The following SMURF1 variants were observed in gnomAD, a reference collection of about 807,000 sequenced individuals.
The protein encoded by SMURF1 is SMAD specific E3 ubiquitin protein ligase 1, also known as E3 ubiquitin-protein ligase SMURF1.
SMURF1 carries 44 observed loss-of-function variants against 98.0 expected under a neutral mutation model. The ratio of observed to expected loss-of-function variants is 0.45; its 90% CI spans 0.35 to 0.58. The LOEUF (loss-of-function observed/expected upper bound fraction) is 0.58, where lower values mean the gene tolerates loss of function less well. SMURF1 is among the 20% of genes least tolerant of loss of function. The probability of loss-of-function intolerance (pLI) is 0.00; values close to 1 mark genes in which losing one functional copy is unlikely to be tolerated. For synonymous variants in SMURF1, 396 were observed against 374.9 expected, an observed-to-expected ratio of 1.06 and a Z score of -0.65; for missense variants, 687 against 938.4, an observed-to-expected ratio of 0.73 and a Z score of 3.50.
intron 14 of SMURF1, among the ~76,000 whole-genome samples, chr7:99,037,747 C>T (rs1281812248): frequency 6.6e-6 from 1 of 152,232 alleles, no homozygotes; most frequent in Non-Finnish European, 1.5e-5. Context: ...ACATCAATTG[C>T]TGCAATGTGA....
At chr7:99,107,927 C>A (rs1437144028) in intron 1 of SMURF1, among the ~76,000 whole-genome samples, 5 of 152,144 alleles carry the variant, frequency 3.3e-5, no homozygotes, top group Non-Finnish European at 7.3e-5. Context: ...GACAAGTATC[C>A]CAAACGTGTG....
chr7:99,090,723 A>C (rs554885313), intron 1 of SMURF1, among the ~76,000 whole-genome samples: 1 of 152,290 alleles, frequency 6.6e-6, no homozygotes, highest in East Asian at 1.9e-4. Flanking sequence ...ACTGCCAATA[A>C]AAAATATTCA....
Position 99,032,965 on chromosome 7 carries a change from A to C in SMURF1, c.2096+72T>G, listed in dbSNP as rs1007906153. The C allele has an allele frequency of 1.9e-5, 24 of 1,264,398 alleles. No homozygotes were observed. In the African/African-American group the frequency reaches 3.0e-4, roughly 16 times the overall value. The allele number at this position is 1,264,398 out of a possible 1,614,324, so 78.3% of individuals were successfully genotyped here. A position where few individuals can be genotyped will look rare whatever the true frequency, so the allele number is the denominator to read the frequency against. ...AGACTCCATCTCAAAAAAAAACAACAAAAAAAAAACGTGAACGTCAGCATC... is the reference window on the plus strand; with the variant it reads ...AGACTCCATCTCAAAAAAAAACAACCAAAAAAAAACGTGAACGTCAGCATC... On this transcript the variant is annotated intron_variant, in intron 17 of 17. Coordinates refer to ENST00000361368, the MANE Select transcript of SMURF1 (RefSeq NM_181349.3).
chr7:99,064,666 T>G (rs1181814635), intron 1 of SMURF1, among the ~76,000 whole-genome samples: 1 of 152,228 alleles, frequency 6.6e-6, no homozygotes, highest in Non-Finnish European at 1.5e-5. Context: ...TAATATTCCT[T>G]GATAATCAGT....
intron 1 of SMURF1, among the ~76,000 whole-genome samples, chr7:99,103,366 A>G (rs1029023351): frequency 6.6e-6 from 1 of 152,208 alleles, no homozygotes; most frequent in Non-Finnish European, 1.5e-5. Context: ...AAGTTATAAA[A>G]GACACCGGGG....
In SMURF1 at chr7:99,037,086, A is replaced by G; in HGVS notation, c.1790T>C (p.Phe597Ser). 1 of 1,614,012 alleles carries G rather than the reference A, an allele frequency of 6.2e-7. No homozygotes were observed. The highest frequency in any genetic ancestry group is 8.5e-7 in the Non-Finnish European group (1 of 1,180,024). ...ACATACCTCCAGTTCCTTCTGGTCA[A>G]AAGGCTTCAGCAGATGTTGAGGGAT... The part of the protein sequence containing the change: ...ELIPQHLLKP[F>S]DQKELELIIG... Residue 597 changes from phenylalanine to serine, a missense_variant, in exon 15 of 18, where the codon TTT becomes TCT. This residue lies in a region of SMURF1 where 272 missense variants were observed against 430.0 expected (regional missense o/e 0.63). Transcript: ENST00000361368.
Position 99,047,753 on chromosome 7 carries a change from G to T in SMURF1, c.1083C>A (p.His361Gln). 1 of 1,614,232 alleles carries T rather than the reference G, an allele frequency of 6.2e-7. No individual in the cohort carries two copies. The highest frequency in any genetic ancestry group is 8.5e-7 in the Non-Finnish European group (1 of 1,180,052). The change falls in exon 10 of 18, where the codon CAC becomes CAA. Residue 361 changes from histidine (H) to glutamine (Q), a missense_variant. By Grantham distance (24) the His-to-Gln change is conservative (BLOSUM62 0). Coordinates refer to ENST00000361368, the MANE Select transcript of SMURF1 (RefSeq NM_181349.3). Reference protein sequence around the residue: ...DLVQKLKVLRHELSLQQPQAG... With the variant: ...DLVQKLKVLRQELSLQQPQAG... ...CTTGGGGCTGCTGAAGCGACAGTTC[G>T]TGTCTGAGGACTTTCAGCTTCTGGA...
In SMURF1 at chr7:99,144,065, C is replaced by G. The variant is rs995497134; in HGVS notation, c.-285G>C. The stretch of plus-strand genomic sequence containing the variant: ...TCCGCCGCCTCCACCACCTCAGAGC[C>G]GGACGCCCGCCGCCCTCGCCGCTTC... On this transcript the variant is annotated 5_prime_UTR_variant, in exon 1 of 18. Transcript: ENST00000361368. The G allele has an allele frequency of 7.7e-4, 139 of 181,376 alleles. 1 individual carries two copies. Among genetic ancestry groups the G allele is most frequent in the Non-Finnish European group, 2.0e-4 (18 of 88,268 alleles). The allele number at this position is 181,376 out of a possible 1,614,324, so 11.2% of individuals were successfully genotyped here.
chr7:99,049,356 G>C (rs1020236298), intron 9 of SMURF1: 2 of 557,616 alleles, frequency 3.6e-6, no homozygotes, highest in Non-Finnish European at 6.2e-6. Flanking sequence ...AGTAAGAAAA[G>C]GGTAGCAACA....
chr7:99,053,056 T>TTAAAA (rs1382525586), intron 6 of SMURF1, among the ~76,000 whole-genome samples: 21 of 152,190 alleles, frequency 1.4e-4, no homozygotes, highest in African/African-American at 5.1e-4. Context: ...GACTCCATCT[T>TTAAAA]TAAAATAAAA....
intron 1 of SMURF1, among the ~76,000 whole-genome samples, chr7:99,118,646 G>A (rs1378326800): frequency 6.6e-6 from 1 of 152,174 alleles, no homozygotes; most frequent in African/African-American, 2.4e-5. Context: ...TGGGGGAACA[G>A]AAAGTGACTG....
chr7:99,092,370 G>A (rs1249761555), intron 1 of SMURF1, among the ~76,000 whole-genome samples: 1 of 152,036 alleles, frequency 6.6e-6, no homozygotes, highest in East Asian at 1.9e-4. Flanking sequence ...TTCTGTATTT[G>A]TGAATTCACC....
chr7:99,032,617 C>T (rs112212365), intron 17 of SMURF1, among the ~76,000 whole-genome samples: 2 of 152,224 alleles, frequency 1.3e-5, no homozygotes, highest in African/African-American at 4.8e-5. Flanking sequence ...TGCAGTGAGC[C>T]GAGATCGTGC....
At chr7:99,082,617 C>T (rs1796597181) in intron 1 of SMURF1, among the ~76,000 whole-genome samples, 1 of 152,198 alleles carries the variant, frequency 6.6e-6, no homozygotes, top group South Asian at 2.1e-4. Flanking sequence ...ATTACTTTAG[C>T]TTTGTAGTAA....
chr7:99,085,086 C>T (rs1049905706), intron 1 of SMURF1, among the ~76,000 whole-genome samples: 8 of 152,088 alleles, frequency 5.3e-5, no homozygotes, highest in African/African-American at 1.9e-4. Flanking sequence ...CACGGTGGCT[C>T]ACACCTATAA....
At chr7:99,140,966 C>A (rs1394175908) in intron 1 of SMURF1, among the ~76,000 whole-genome samples, 2 of 152,176 alleles carry the variant, frequency 1.3e-5, no homozygotes, top group African/African-American at 4.8e-5. Flanking sequence ...CTAGTTCAAA[C>A]CTTTCGAGGT....
At chr7:99,137,390 T>C (rs13438461) in intron 1 of SMURF1, among the ~76,000 whole-genome samples, 7,715 of 152,292 alleles carry the variant, frequency 0.051, 656 homozygotes, top group African/African-American at 0.18. Flanking sequence ...TTCTTCATTG[T>C]GGTACTTGTG....
intron 1 of SMURF1, among the ~76,000 whole-genome samples, chr7:99,071,155 G>A (rs1796308877): frequency 6.6e-6 from 1 of 151,866 alleles, no homozygotes; most frequent in East Asian, 1.9e-4. Context: ...CACCTCCCAG[G>A]TTCAAGCGAT....
intron 1 of SMURF1, among the ~76,000 whole-genome samples, chr7:99,077,752 A>G (rs1796497517): frequency 6.6e-6 from 1 of 152,216 alleles, no homozygotes; most frequent in Non-Finnish European, 1.5e-5. Flanking sequence ...AGGGCTGAAT[A>G]TGAAATTTTT....
Sources: allele counts gnomAD v4.1 joint callset (sites outside exome capture counted in the v4.1 genomes callset), GRCh38; gene constraint gnomAD v4.1.1; regional missense constraint gnomAD v4.1.1; transcripts MANE v1.5; gene names NCBI Gene and HGNC (gene_info 2026-07-23, HGNC 2026-07-21).